The following SLC8A1 variants were observed in gnomAD, a reference collection of about 807,000 sequenced individuals.
SLC8A1 encodes the protein sodium/calcium exchanger 1.
A neutral mutation model predicts 68.3 loss-of-function variants in SLC8A1; 18 were observed. That is an observed-to-expected ratio of 0.26 (90% CI 0.18 to 0.39). SLC8A1 has a LOEUF of 0.39. SLC8A1 is among the 10% of genes least tolerant of loss of function. SLC8A1 has a pLI of 1.00. For synonymous variants in SLC8A1, 475 were observed against 415.5 expected (o/e 1.14, Z -1.74); for missense variants, 985 against 1,156.7 (o/e 0.85, Z 2.15).
intron 2 of SLC8A1, among the ~76,000 whole-genome samples, chr2:40,310,871 T>C (rs1167026500): frequency 6.6e-6 from 1 of 152,140 alleles, no homozygotes; most frequent in African/African-American, 2.4e-5. Context: ...ACCCTTATAC[T>C]ATGTGACAAT....
chr2:40,347,924 C>A (rs1198908337), intron 2 of SLC8A1, among the ~76,000 whole-genome samples: 1 of 152,136 alleles, frequency 6.6e-6, no homozygotes, highest in African/African-American at 2.4e-5. Context: ...ACATTCTTTT[C>A]TGTCTAAGAT....
intron 2 of SLC8A1, among the ~76,000 whole-genome samples, chr2:40,207,778 A>C (rs1288826509): frequency 6.6e-6 from 1 of 152,102 alleles, no homozygotes; most frequent in African/African-American, 2.4e-5. Context: ...AAAATGTGTT[A>C]AGTTGGTGAA....
At chr2:40,355,199 T>C (rs773088264) in intron 2 of SLC8A1, among the ~76,000 whole-genome samples, 3 of 152,184 alleles carry the variant, frequency 2.0e-5, no homozygotes, top group Non-Finnish European at 2.9e-5. Context: ...AAGAGTCTGA[T>C]ACTGTGATAA....
At chr2:40,419,172 T>C (rs74546968) in intron 2 of SLC8A1, among the ~76,000 whole-genome samples, 16 of 152,198 alleles carry the variant, frequency 1.1e-4, no homozygotes, top group East Asian at 1.9e-4. Flanking sequence ...TTGATGCTCA[T>C]AGAATATTTG....
Position 40,460,857 on chromosome 2 carries a change from G to A in SLC8A1, c.-24-30553C>T, listed in dbSNP as rs1703299685. 3.4e-5 allele frequency among the ~76,000 whole-genome samples: 4 copies of A among 118,664 alleles called. No homozygotes were observed. The South Asian group carries it at 1.2e-3, about 34-fold the overall frequency. The allele number at this position is 118,664 out of a possible 152,430, so 77.8% of individuals were successfully genotyped here. A position where few individuals can be genotyped will look rare whatever the true frequency, so the allele number is the denominator to read the frequency against. On this transcript the variant is annotated intron_variant, in intron 1 of 7. Transcript: ENST00000402441. ...CTAAGTGCTGGGATTACAGGCGTGA[G>A]CCACCGCACCTGACTATAAGGATTT...
At chr2:40,140,720 G>A (rs2041398956) in intron 6 of SLC8A1, among the ~76,000 whole-genome samples, 1 of 152,234 alleles carries the variant, frequency 6.6e-6, no homozygotes, top group Non-Finnish European at 1.5e-5. Flanking sequence ...GCATCTTTGT[G>A]TCCCTGCTGT....
chr2:40,387,145 C>T (rs554968436), intron 2 of SLC8A1, among the ~76,000 whole-genome samples: 1 of 151,580 alleles, frequency 6.6e-6, no homozygotes, highest in African/African-American at 2.4e-5. Flanking sequence ...AGAATTCAAC[C>T]TCCATCTCTG....
intron 1 of SLC8A1, among the ~76,000 whole-genome samples, chr2:40,505,807 C>T (rs34895858): frequency 0.04 from 6,064 of 152,026 alleles, 390 homozygotes; most frequent in East Asian, 0.32. Flanking sequence ...AGTTAGGCAT[C>T]CCACTCTTTT....
intron 1 of SLC8A1, among the ~76,000 whole-genome samples, chr2:40,444,179 A>C (rs1440069727): frequency 6.6e-6 from 1 of 152,100 alleles, no homozygotes; most frequent in Admixed American, 6.5e-5. Context: ...TACAAAAATA[A>C]AATTAAAAAA....
At position 40,390,824 on chromosome 2, in the gene SLC8A1, TGTAGA is replaced by T. The variant is rs1390611036; in HGVS notation, c.1808+37644_1808+37648del. 2.6e-5 allele frequency among the ~76,000 whole-genome samples: 4 copies of T among 152,166 alleles called. No homozygotes were observed. In the South Asian group the frequency reaches 6.2e-4, roughly 24 times the overall value. The stretch of plus-strand genomic sequence containing the variant: ...ATCACTCCAAGTGAGCTTAAGAAAA[TGTAGA>T]GTAAATTTTTTTAAAAGATCTGTGT... On this transcript the variant is annotated intron_variant, in intron 2 of 7. Coordinates refer to ENST00000406785, the Ensembl canonical transcript of SLC8A1.
rs572640209 is a variant in SLC8A1, at chr2:40,310,128, A to G, written c.1808+118345T>C. Among the ~76,000 whole-genome samples, 5 of 152,334 alleles carry G rather than the reference A, an allele frequency of 3.3e-5. No homozygotes were observed. The East Asian group carries it at 5.8e-4, about 18-fold the overall frequency. On this transcript the variant is annotated intron_variant, in intron 2 of 7. Transcript: ENST00000406785. ...TCAAGTTTATTCATGTCATACATGTATCTGTACTAACATCTTCCAAGTAAT... is the reference window on the plus strand; with the variant it reads ...TCAAGTTTATTCATGTCATACATGTGTCTGTACTAACATCTTCCAAGTAAT...
chr2:40,385,543 A>G (rs1204666902), intron 2 of SLC8A1, among the ~76,000 whole-genome samples: 1 of 151,270 alleles, frequency 6.6e-6, no homozygotes, highest in Non-Finnish European at 1.5e-5. Flanking sequence ...AATAACATCA[A>G]TATAATGTAA....
At chr2:40,346,273 T>C (rs1669275158) in intron 2 of SLC8A1, among the ~76,000 whole-genome samples, 1 of 152,134 alleles carries the variant, frequency 6.6e-6, no homozygotes. Flanking sequence ...GACTCCCCTT[T>C]CCTAAGCTTT....
intron 2 of SLC8A1, among the ~76,000 whole-genome samples, chr2:40,346,796 G>C (rs1403240947): frequency 1.3e-5 from 2 of 152,136 alleles, no homozygotes; most frequent in Non-Finnish European, 2.9e-5. Context: ...AAAAAGTCTT[G>C]TAGCTCAATG....
At chr2:40,326,284 A>G (rs1346408973) in intron 2 of SLC8A1, among the ~76,000 whole-genome samples, 1 of 152,014 alleles carries the variant, frequency 6.6e-6, no homozygotes, top group Non-Finnish European at 1.5e-5. Context: ...CTGTGCTGCT[A>G]AACCTCCTAC....
chr2:40,226,730 G>C (rs2059029408), intron 2 of SLC8A1, among the ~76,000 whole-genome samples: 1 of 152,186 alleles, frequency 6.6e-6, no homozygotes, highest in Admixed American at 6.5e-5. Flanking sequence ...GTCCATAAGA[G>C]AAGCAAATGC....
At chr2:40,410,905 C>A (rs576624752) in intron 2 of SLC8A1, among the ~76,000 whole-genome samples, 207 of 152,092 alleles carry the variant, frequency 1.4e-3, no homozygotes, top group Middle Eastern at 3.4e-3. Flanking sequence ...CTAAATTAGC[C>A]ATGCACATAA....
At chr2:40,383,621 A>G (rs1682636755) in intron 2 of SLC8A1, among the ~76,000 whole-genome samples, 1 of 152,154 alleles carries the variant, frequency 6.6e-6, no homozygotes, top group Non-Finnish European at 1.5e-5. Flanking sequence ...ATCTTAGATA[A>G]AAAAATTTGC....
At chr2:40,480,034 A>G (rs1010278277) in intron 1 of SLC8A1, among the ~76,000 whole-genome samples, 1 of 152,136 alleles carries the variant, frequency 6.6e-6, no homozygotes, top group Non-Finnish European at 1.5e-5. Context: ...GGACTAACAC[A>G]GGTCAAGAAA....
Sources: allele counts gnomAD v4.1 joint callset (sites outside exome capture counted in the v4.1 genomes callset), GRCh38; gene constraint gnomAD v4.1.1; transcripts MANE v1.5; gene names NCBI Gene and HGNC (gene_info 2026-07-23, HGNC 2026-07-21).